Variants in SLC25A48 observed in about 807,000 individuals in gnomAD.
SLC25A48 encodes the protein CTC-321K16.1.
Under a neutral mutation model 32.2 loss-of-function variants are expected in SLC25A48, and 29 were observed. The observed-to-expected ratio is 0.90, with a 90% CI of 0.67 to 1.23. SLC25A48 has a LOEUF of 1.23. SLC25A48 is among the 50% of genes most tolerant of loss of function. SLC25A48 has a pLI of 0.00. For missense variants in SLC25A48, 399 were observed against 422.7 expected (o/e 0.94, Z 0.49); for synonymous variants, 164 against 172.3 (o/e 0.95, Z 0.38).
intron 3 of SLC25A48, among the ~76,000 whole-genome samples, chr5:135,692,130 A>C (rs1293687352): frequency 2.0e-5 from 3 of 152,142 alleles, no homozygotes. Flanking sequence ...ATTCTGGCTA[A>C]CACGGTGAAA....
chr5:135,723,202 C>G lies in SLC25A48; in HGVS notation c.-521+88246C>G, dbSNP rs1755001869. ...TATTTGCTCTTAAGTCTTTTTAACT[C>G]CCCAGTGCACTGACAAGCTTGAAGA... On this transcript the variant is annotated intron_variant, in intron 3 of 10. Transcript: ENST00000646290. Among the ~76,000 whole-genome samples the G allele has an allele frequency of 2.6e-5, 4 of 152,292 alleles. No homozygotes were observed. In the South Asian group the frequency reaches 8.3e-4, roughly 32 times the overall value.
intron 3 of SLC25A48, among the ~76,000 whole-genome samples, chr5:135,639,609 C>G (rs896417555): frequency 1.3e-5 from 2 of 151,860 alleles, no homozygotes; most frequent in Non-Finnish European, 2.9e-5. Flanking sequence ...TATGATCAAG[C>G]CAGAATGGAG....
At chr5:135,677,981 A>G (rs542454111) in intron 3 of SLC25A48, among the ~76,000 whole-genome samples, 1 of 152,192 alleles carries the variant, frequency 6.6e-6, no homozygotes, top group Non-Finnish European at 1.5e-5. Flanking sequence ...CAATTTGACT[A>G]TAATGTGTCA....
intron 1 of SLC25A48, among the ~76,000 whole-genome samples, chr5:135,610,552 T>G (rs558120656): frequency 1.3e-5 from 2 of 152,324 alleles, no homozygotes; most frequent in East Asian, 1.9e-4. Flanking sequence ...TCATCAGATA[T>G]TAGGATGAAA....
chr5:135,744,443 C>A (rs1350040100), intron 3 of SLC25A48, among the ~76,000 whole-genome samples: 1 of 137,268 alleles, frequency 7.3e-6, no homozygotes, highest in Non-Finnish European at 1.6e-5. Flanking sequence ...CTCCACCTCC[C>A]CAGTTCAAGT....
intron 4 of SLC25A48, among the ~76,000 whole-genome samples, chr5:135,857,950 C>A (rs1391775449): frequency 6.6e-6 from 1 of 152,126 alleles, no homozygotes; most frequent in African/African-American, 2.4e-5. Context: ...CTTAAAGGGC[C>A]CTGTCTTTTG....
At chr5:135,762,712 C>A (rs184973133) in intron 3 of SLC25A48, among the ~76,000 whole-genome samples, 9 of 151,664 alleles carry the variant, frequency 5.9e-5, no homozygotes, top group Non-Finnish European at 1.2e-4. Context: ...TGAGTGTGTG[C>A]GTGTGTAAGT....
intron 3 of SLC25A48, among the ~76,000 whole-genome samples, chr5:135,733,022 G>C (rs1292922462): frequency 1.3e-5 from 2 of 152,206 alleles, no homozygotes; most frequent in Non-Finnish European, 2.9e-5. Flanking sequence ...CCCATGCATA[G>C]TGAGGAAATT....
At chr5:135,734,699 C>T (rs1755311442) in intron 3 of SLC25A48, among the ~76,000 whole-genome samples, 1 of 151,872 alleles carries the variant, frequency 6.6e-6, no homozygotes, top group South Asian at 2.1e-4. Flanking sequence ...TGCCTGTAGT[C>T]CCAGCTACTC....
rs1398447343 is a variant in SLC25A48 at position 135,871,597 on chromosome 5, G to T, written c.558G>T (p.Leu186=). Residue 186 remains leucine (L), a synonymous_variant, in exon 5 of 8, where the codon CTG becomes CTT. Coordinates refer to ENST00000681962, the MANE Select transcript of SLC25A48 (RefSeq NM_001349336.2). The part of the protein sequence containing the change: ...GLYRGASAML[L]RDVPGYCLYF... ...ACCGGGGGGCCAGTGCCATGCTGCT[G>T]AGGGATGTCCCAGGCTATTGCCTCT... 6.2e-6 allele frequency: 10 copies of T among 1,614,212 alleles called. No homozygotes were observed. Among genetic ancestry groups the T allele is most frequent in the Non-Finnish European group, 8.5e-6 (10 of 1,180,026 alleles).
intron 3 of SLC25A48, among the ~76,000 whole-genome samples, chr5:135,794,980 A>G (rs1174959350): frequency 6.6e-6 from 1 of 151,754 alleles, no homozygotes; most frequent in Non-Finnish European, 1.5e-5. Flanking sequence ...TATGGTTCCT[A>G]ATATCCAGGT....
intron 3 of SLC25A48, among the ~76,000 whole-genome samples, chr5:135,710,066 A>T (rs1754617572): frequency 6.6e-6 from 1 of 152,186 alleles, no homozygotes; most frequent in Non-Finnish European, 1.5e-5. Context: ...TGGCCAATAT[A>T]AGCTGGTAAA....
chr5:135,865,128 G>A (rs764303312), intron 4 of SLC25A48, among the ~76,000 whole-genome samples: 8 of 152,184 alleles, frequency 5.3e-5, no homozygotes, highest in Non-Finnish European at 1.0e-4. Flanking sequence ...CTTATTCTCT[G>A]CCTTTCACAG....
chr5:135,589,361 A>C (rs1425792274), intron 1 of SLC25A48, among the ~76,000 whole-genome samples: 1 of 152,210 alleles, frequency 6.6e-6, no homozygotes, highest in Non-Finnish European at 1.5e-5. Flanking sequence ...AGTGCGACGA[A>C]AAGGGAACTG....
intron 3 of SLC25A48, among the ~76,000 whole-genome samples, chr5:135,780,026 A>G (rs2126620664): frequency 8.6e-6 from 1 of 116,786 alleles, no homozygotes; most frequent in East Asian, 2.1e-4. Context: ...GTAGAGAATG[A>G]TATTACTCCA....
At chr5:135,818,093 CTCTCTCTCTCTCTCTCTCTCTCTCT>C (rs1757780068) in intron 4 of SLC25A48, among the ~76,000 whole-genome samples, 1 of 143,502 alleles carries the variant, frequency 7.0e-6, no homozygotes, top group Non-Finnish European at 1.5e-5. Context: ...CTCTCTCTCT[CTCTCTCTCTCTCTCTCTCTCTCTCT>C]CCCTCTGTTT....
intron 1 of SLC25A48, among the ~76,000 whole-genome samples, chr5:135,598,824 T>C (rs756182935): frequency 1.7e-4 from 26 of 152,154 alleles, no homozygotes; most frequent in African/African-American, 6.0e-4. Context: ...ATGGAGGACA[T>C]AGAGGCATCC....
intron 3 of SLC25A48, among the ~76,000 whole-genome samples, chr5:135,743,074 A>ATTT (rs1283331243): frequency 9.2e-5 from 1 of 10,924 alleles, no homozygotes; most frequent in African/African-American, 2.0e-4. Context: ...CCTTCCCTTC[A>ATTT]TTTTTTTTTT....
At chr5:135,787,236 G>A (rs1235645752) in intron 3 of SLC25A48, among the ~76,000 whole-genome samples, 3 of 152,032 alleles carry the variant, frequency 2.0e-5, no homozygotes, top group African/African-American at 7.2e-5. Flanking sequence ...GATACTATTC[G>A]TAATATTTTA....
Sources: gnomAD v4.1 joint callset for allele counts (sites outside exome capture counted in the v4.1 genomes callset) on GRCh38, gnomAD v4.1.1 for gene constraint, MANE v1.5 for transcripts, NCBI Gene and HGNC (gene_info 2026-07-23, HGNC 2026-07-21) for gene names.